The following RPGR variants were observed in gnomAD, a reference collection of about 807,000 sequenced individuals.
RPGR encodes retinitis pigmentosa GTPase regulator.
In RPGR, 10 loss-of-function variants were observed where a neutral mutation model predicts 56.3. The ratio of observed to expected loss-of-function variants is 0.18; its 90% CI spans 0.11 to 0.30. The LOEUF (loss-of-function observed/expected upper bound fraction) is 0.30. Ranked by LOEUF, RPGR falls within the 10% of genes least tolerant of loss-of-function variation. RPGR has a pLI of 1.00. For synonymous variants in RPGR, 197 were observed against 212.9 expected (o/e 0.93, Z 0.65); for missense variants, 538 against 590.9 (o/e 0.91, Z 0.93).
intron 18 of RPGR, among the ~76,000 whole-genome samples, chrX:38,271,050 G>T (rs779343464): frequency 2.4e-3 from 263 of 111,885 alleles, no homozygotes; most frequent in Middle Eastern, 4.7e-3. Flanking sequence ...AAGAAAATAG[G>T]ATTATTGAAG....
At chrX:38,290,497 A>G (rs1181783563) in intron 13 of RPGR, among the ~76,000 whole-genome samples, 1 of 112,303 alleles carries the variant, frequency 8.9e-6, no homozygotes, top group East Asian at 2.8e-4. Context: ...CCAACCAAAT[A>G]TTGGAAAAGG....
At chrX:38,286,269 C>G in intron 15 of RPGR, 1 of 778,814 alleles carries the variant, frequency 1.3e-6, no homozygotes, top group Non-Finnish European at 1.6e-6. Flanking sequence ...CTTCTCCCTC[C>G]CCTTCTCCTT....
intron 11 of RPGR, among the ~76,000 whole-genome samples, chrX:38,292,840 T>C (rs2067310894): frequency 9.0e-6 from 1 of 111,090 alleles, no homozygotes; most frequent in African/African-American, 3.3e-5. Flanking sequence ...ATGAGTAGAA[T>C]TAGAATTCTG....
chrX:38,309,935 G>A (rs1001286650), intron 7 of RPGR, among the ~76,000 whole-genome samples: 2 of 111,695 alleles, frequency 1.8e-5, no homozygotes, highest in African/African-American at 3.3e-5. Flanking sequence ...GACCAGAAAT[G>A]TATATTAAGT....
intron 1 of RPGR, chrX:38,326,547 T>C (rs1285129586): frequency 9.0e-6 from 1 of 111,470 alleles, no homozygotes; most frequent in Non-Finnish European, 1.9e-5. Flanking sequence ...GGTCACAATG[T>C]CAAAAGTATT....
chrX:38,287,357 G>A (rs960694777), intron 14 of RPGR, 112 bp from the exon 15 acceptor site: 1 of 1,121,028 alleles, frequency 8.9e-7, no homozygotes, highest in African/African-American at 1.8e-5. Context: ...CGTATGTTTT[G>A]GTCAGTTTCC....
intron 8 of RPGR, among the ~76,000 whole-genome samples, chrX:38,302,251 T>C (rs2067514792): frequency 9.0e-6 from 1 of 111,142 alleles, no homozygotes. Flanking sequence ...TAAGGGGTGT[T>C]AATATGGTTC....
intron 15 of RPGR, among the ~76,000 whole-genome samples, chrX:38,281,596 C>T (rs1192541716): frequency 8.9e-6 from 1 of 112,391 alleles, no homozygotes; most frequent in Non-Finnish European, 1.9e-5. Flanking sequence ...TGTAGCTTTG[C>T]ACCTACCTTG....
intron 10 of RPGR, among the ~76,000 whole-genome samples, chrX:38,297,810 TAATAA>T (rs1187247307): frequency 8.9e-6 from 1 of 112,137 alleles, no homozygotes; most frequent in Non-Finnish European, 1.9e-5. Flanking sequence ...TGCTTTTTCA[TAATAA>T]AACACCAGAT....
rs367684731 is a variant in RPGR at position 38,291,090 on chromosome X, G to A, written c.1507-66C>T. The A allele has an allele frequency of 4.9e-3, 1,186 of 240,515 alleles. 16 individuals carry two copies. The highest frequency in any genetic ancestry group is 0.035 in the African/African-American group (1,105 of 31,435). 19.8% of individuals were successfully genotyped at this position (240,515 alleles called of 1,213,427 possible). On this transcript the variant is annotated intron_variant, in intron 12 of 18. Transcript: ENST00000642395. ...TATATATACTATATATTTGTATATA[G>A]TACAAATATATAGTATATTTTCAAT...
chrX:38,307,606 C>T (rs2067628623), intron 7 of RPGR, among the ~76,000 whole-genome samples: 1 of 111,774 alleles, frequency 8.9e-6, no homozygotes, highest in East Asian at 2.8e-4. Context: ...TATTCCATAA[C>T]TCTCTTAGCA....
intron 7 of RPGR, among the ~76,000 whole-genome samples, chrX:38,306,090 C>T (rs1031780021): frequency 8.9e-6 from 1 of 112,003 alleles, no homozygotes; most frequent in African/African-American, 3.2e-5. Context: ...ATGCTCCTGG[C>T]TGCTGCATTA....
At position 38,276,732 on chromosome X, in the gene RPGR, T is replaced by C. The variant is rs2066943553; in HGVS notation, c.1946A>G (p.Asp649Gly). 1 of 1,210,306 alleles carries C rather than the reference T, an allele frequency of 8.3e-7. No individual in the cohort carries two copies. The change falls in exon 16 of 19, where the codon GAT becomes GGT. Residue 649 changes from aspartate (D) to glycine (G), a missense_variant. By Grantham distance (94) the Asp-to-Gly change is moderately conservative. Transcript: ENST00000642395. ...TTCAGCATTAATTTCCTCATCCACA[T>C]CTTCTAGTTTTAGTTCCTCAGTTTT...
intron 1 of RPGR, 122 bp downstream of exon 1, chrX:38,327,218 C>T: frequency 2.8e-6 from 2 of 705,419 alleles, no homozygotes; most frequent in Non-Finnish European, 4.1e-6. Context: ...ACCAGCGATC[C>T]CGCCCCAGTC....
chrX:38,284,104 T>C (rs1321333263), intron 15 of RPGR, among the ~76,000 whole-genome samples: 1 of 111,458 alleles, frequency 9.0e-6, no homozygotes, highest in Non-Finnish European at 1.9e-5. Flanking sequence ...ATATTCTTTC[T>C]CACTCAGAGA....
At chrX:38,285,423 T>C in intron 15 of RPGR, 1 of 1,138,142 alleles carries the variant, frequency 8.8e-7, no homozygotes, top group Non-Finnish European at 1.2e-6. Context: ...GCTTTTTTTT[T>C]TACTACACAT....
chrX:38,278,331 C>T (rs1393350236), intron 15 of RPGR, among the ~76,000 whole-genome samples: 1 of 112,409 alleles, frequency 8.9e-6, no homozygotes, highest in Non-Finnish European at 1.9e-5. Flanking sequence ...ACCTCCACCT[C>T]CCGGGTTGAA....
intron 15 of RPGR, chrX:38,285,161 C>T: frequency 1.3e-6 from 1 of 794,749 alleles, no homozygotes; most frequent in Non-Finnish European, 1.5e-6. Flanking sequence ...TTTTATAGCC[C>T]TTAAGCATCT....
intron 3 of RPGR, among the ~76,000 whole-genome samples, chrX:38,321,512 G>C (rs1369324313): frequency 1.8e-5 from 2 of 110,478 alleles, no homozygotes; most frequent in African/African-American, 6.6e-5. Context: ...AAATTAGCTG[G>C]GTGTGGTGAT....
Sources: gnomAD v4.1 joint callset for allele counts (sites outside exome capture counted in the v4.1 genomes callset) on GRCh38, gnomAD v4.1.1 for gene constraint, MANE v1.5 for transcripts, NCBI Gene and HGNC (gene_info 2026-07-23, HGNC 2026-07-21) for gene names.